The following SORCS2 variants were observed in gnomAD, a reference collection of about 807,000 sequenced individuals.
The protein encoded by SORCS2 is sortilin related VPS10 domain containing receptor 2.
In SORCS2, 100 loss-of-function variants were observed where a neutral mutation model predicts 141.6. The ratio of observed to expected loss-of-function variants is 0.71; its 90% CI spans 0.60 to 0.83. The LOEUF (loss-of-function observed/expected upper bound fraction) is 0.83, where lower values mean the gene tolerates loss of function less well. SORCS2 is among the 40% of genes least tolerant of loss of function. The pLI, the probability that SORCS2 is intolerant of heterozygous loss-of-function variation, is 0.00. For missense variants in SORCS2, 1,646 were observed against 1,560.2 expected (o/e 1.05, Z -0.93); for synonymous variants, 789 against 676.9 (o/e 1.17, Z -2.57).
chr4:7,706,831 G>A (rs1156562847), intron 14 of SORCS2, among the ~76,000 whole-genome samples: 2 of 152,208 alleles, frequency 1.3e-5, no homozygotes, highest in Non-Finnish European at 2.9e-5. Context: ...GCAGGGATGA[G>A]GCTGGACTCT....
chr4:7,727,497 C>T (rs1191127767), intron 21 of SORCS2, among the ~76,000 whole-genome samples: 2 of 151,022 alleles, frequency 1.3e-5, no homozygotes, highest in African/African-American at 2.4e-5. Context: ...CCTCATTTTG[C>T]TTTAAGAACA....
intron 19 of SORCS2, among the ~76,000 whole-genome samples, chr4:7,724,187 C>A (rs890226191): frequency 9.4e-5 from 11 of 117,130 alleles, no homozygotes; most frequent in African/African-American, 4.1e-4. Context: ...GATAGCAGTA[C>A]TGGTGGTGGT....
chr4:7,317,482 G>A (rs931080845), intron 1 of SORCS2, among the ~76,000 whole-genome samples: 1 of 152,194 alleles, frequency 6.6e-6, no homozygotes, highest in Non-Finnish European at 1.5e-5. Context: ...CCTCTGGGCG[G>A]GCCTGCCACC....
chr4:7,435,091 T>G, intron 2 of SORCS2: 1 of 581,778 alleles, frequency 1.7e-6, no homozygotes. Context: ...TCTTTTCCCC[T>G]GGATAAGATA....
intron 2 of SORCS2, among the ~76,000 whole-genome samples, chr4:7,473,469 G>T (rs28705151): frequency 6.6e-6 from 1 of 151,962 alleles, no homozygotes. Flanking sequence ...GAAGGGCTGA[G>T]GGGCGTGCAC....
intron 3 of SORCS2, among the ~76,000 whole-genome samples, chr4:7,565,714 T>A (rs982290869): frequency 6.6e-6 from 1 of 151,086 alleles, no homozygotes; most frequent in Non-Finnish European, 1.5e-5. Context: ...ACGGTGGTGA[T>A]GGTGCTGTGA....
intron 1 of SORCS2, among the ~76,000 whole-genome samples, chr4:7,210,903 A>G (rs6837924): frequency 0.92 from 139,917 of 152,196 alleles, 64,412 homozygotes; most frequent in East Asian, 1. Context: ...AAAGGCAGGC[A>G]GGGGGTAGTC....
intron 1 of SORCS2, among the ~76,000 whole-genome samples, chr4:7,375,279 G>T (rs761748096): frequency 6.6e-6 from 1 of 152,294 alleles, no homozygotes; most frequent in East Asian, 1.9e-4. Flanking sequence ...ATTGAATAAG[G>T]GTGTTGGACA....
intron 2 of SORCS2, chr4:7,433,760 C>T (rs1727065000): frequency 2.5e-6 from 4 of 1,613,232 alleles, no homozygotes; most frequent in African/African-American, 1.3e-5. Flanking sequence ...TCATGGACTG[C>T]CCGGGCCCGC....
intron 2 of SORCS2, chr4:7,434,741 C>G (rs769462355): frequency 1.9e-6 from 3 of 1,613,116 alleles, no homozygotes; most frequent in South Asian, 2.2e-5. Context: ...TGGCAGTACC[C>G]CACAGCCCCG....
At chr4:7,403,115 C>A (rs1321617469) in intron 2 of SORCS2, among the ~76,000 whole-genome samples, 1 of 152,120 alleles carries the variant, frequency 6.6e-6, no homozygotes, top group African/African-American at 2.4e-5. Flanking sequence ...GTTAGAATAG[C>A]AATTCTGATG....
chr4:7,623,619 C>T (rs114103039), intron 3 of SORCS2, among the ~76,000 whole-genome samples: 2,575 of 152,230 alleles, frequency 0.017, 76 homozygotes, highest in African/African-American at 0.058. Flanking sequence ...CTGCGGCTGT[C>T]TCCTCCTCCC....
In SORCS2 at chr4:7,712,859, C is replaced by T. The variant is rs775363059; in HGVS notation, c.1989+6C>T. ...GGGAGCTCTCCAACCTGCAGGTGGG[C>T]CGGCATGAGGCTGGGATCGGGCAGG... On this transcript the variant is annotated splice_donor_region_variant and intron_variant, in intron 15 of 26. Transcript: ENST00000507866. 1.9e-6 allele frequency: 3 copies of T among 1,613,514 alleles called. No individual in the cohort carries two copies. The highest frequency in any genetic ancestry group is 1.1e-5 in the South Asian group (1 of 91,066).
chr4:7,340,886 A>G (rs376793707), intron 1 of SORCS2, among the ~76,000 whole-genome samples: 8 of 152,214 alleles, frequency 5.3e-5, no homozygotes, highest in African/African-American at 1.9e-4. Context: ...GGGTGGCTCT[A>G]GGTCTGCAGC....
chr4:7,734,503 G>A, intron 25 of SORCS2, 129 bp downstream of exon 25: 1 of 647,698 alleles, frequency 1.5e-6, no homozygotes, highest in Non-Finnish European at 2.5e-6. Context: ...GAGAGTTTGT[G>A]CCTGTGATGG....
chr4:7,588,989 G>A (rs527748874), intron 3 of SORCS2, among the ~76,000 whole-genome samples: 1 of 152,310 alleles, frequency 6.6e-6, no homozygotes, highest in Admixed American at 6.5e-5. Flanking sequence ...ATGGGCTGCG[G>A]GCCCAGGGAA....
chr4:7,433,252 G>A (rs952653133), intron 2 of SORCS2: 2 of 1,316,628 alleles, frequency 1.5e-6, no homozygotes, highest in African/African-American at 1.5e-5. Context: ...GTGAAATGGG[G>A]ATGGGGAAAG....
chr4:7,209,621 G>T (rs910650066), intron 1 of SORCS2, among the ~76,000 whole-genome samples: 5 of 152,108 alleles, frequency 3.3e-5, no homozygotes, highest in Non-Finnish European at 7.4e-5. Flanking sequence ...GAGCAGTCAG[G>T]CACAGAGTTC....
At chr4:7,430,538 T>C (rs1318267117) in intron 2 of SORCS2, 3 of 152,228 alleles carry the variant, frequency 2.0e-5, no homozygotes, top group African/African-American at 7.2e-5. Flanking sequence ...TACGATGGCA[T>C]CTGAAGAATG....
Sources: allele counts gnomAD v4.1 joint callset (sites outside exome capture counted in the v4.1 genomes callset), GRCh38; gene constraint gnomAD v4.1.1; transcripts MANE v1.5; gene names NCBI Gene and HGNC (gene_info 2026-07-23, HGNC 2026-07-21).